The following RPL12 variants were observed in gnomAD, a reference collection of about 807,000 sequenced individuals.
The protein encoded by RPL12 is ribosomal protein L12.
A neutral mutation model predicts 24.5 loss-of-function variants in RPL12; 10 were observed. The ratio of observed to expected loss-of-function variants is 0.41; its 90% CI spans 0.25 to 0.69. RPL12 has a LOEUF of 0.69. Among genes scored for constraint, RPL12 ranks in the 30% least tolerant of loss-of-function variants. The pLI is 0.33. For synonymous variants in RPL12, 74 were observed against 76.1 expected (o/e 0.97, Z 0.14); for missense variants, 137 against 205.3 (o/e 0.67, Z 2.03).
At chr9:127,450,332 T>G in intron 2 of RPL12, 2 of 191,110 alleles carry the variant, frequency 1.0e-5, no homozygotes, top group South Asian at 1.0e-4. Flanking sequence ...ACTGCTAGGT[T>G]TACATCTACA....
At chr9:127,450,564 T>C in intron 2 of RPL12, 167 bp downstream of exon 2, 1 of 556,774 alleles carries the variant, frequency 1.8e-6, no homozygotes, top group South Asian at 2.6e-5. Flanking sequence ...GGTTCGATTT[T>C]TCACACACGA....
intron 2 of RPL12, 161 bp from the exon 3 acceptor site, chr9:127,449,869 T>TG (rs1834243737): frequency 3.2e-6 from 2 of 633,892 alleles, no homozygotes; most frequent in Non-Finnish European, 5.7e-6. Flanking sequence ...AATTGGGGGT[T>TG]GGGGTTCTTG....
intron 4 of RPL12, chr9:127,448,660 A>G (rs1452197167): frequency 1.4e-6 from 1 of 731,258 alleles, no homozygotes; most frequent in Non-Finnish European, 2.5e-6. Context: ...GCCTTCACAA[A>G]TCTGACATGG....
intron 2 of RPL12, chr9:127,450,498 G>A (rs1834271210): frequency 2.0e-6 from 1 of 493,832 alleles, no homozygotes; most frequent in Admixed American, 4.2e-5. Flanking sequence ...CCACCCCTCA[G>A]GTACACTAAA....
chr9:127,448,276 G>T, intron 5 of RPL12, 61 bp downstream of exon 5: 1 of 1,334,078 alleles, frequency 7.5e-7, no homozygotes, highest in Non-Finnish European at 1.1e-6. Context: ...TAAGAAGAAT[G>T]TTATCACTCA....
intron 4 of RPL12, 143 bp from the exon 5 acceptor site, chr9:127,448,566 G>T (rs898822162): frequency 1.3e-6 from 1 of 772,864 alleles, no homozygotes; most frequent in Non-Finnish European, 2.4e-6. Context: ...CTAAGCTGGG[G>T]TTTACTATCA....
intron 5 of RPL12, 25 bp from the exon 6 acceptor site, chr9:127,448,014 T>C: frequency 6.3e-7 from 1 of 1,586,608 alleles, no homozygotes; most frequent in Non-Finnish European, 8.6e-7. Flanking sequence ...ATGGTGGCAT[T>C]GGAGGTGCTG....
chr9:127,448,888 G>A (rs1273365812), intron 4 of RPL12, among the ~76,000 whole-genome samples: 1 of 151,616 alleles, frequency 6.6e-6, no homozygotes, highest in Non-Finnish European at 1.5e-5. Context: ...GAGTGCAGTG[G>A]CACAATCTTG....
chr9:127,450,532 T>C (rs906580684), intron 2 of RPL12, 199 bp downstream of exon 2: 3 of 541,728 alleles, frequency 5.5e-6, no homozygotes, highest in Non-Finnish European at 9.9e-6. Context: ...CACATGGAGC[T>C]AATTACAATT....
chr9:127,448,800 T>G (rs944592454), intron 4 of RPL12, among the ~76,000 whole-genome samples: 6 of 151,482 alleles, frequency 4.0e-5, no homozygotes, highest in African/African-American at 1.5e-4. Context: ...ATGCACTGAT[T>G]GGGGCCTGCC....
intron 1 of RPL12, 50 bp from the exon 2 acceptor site, chr9:127,450,854 A>G (rs1280504262): frequency 2.2e-6 from 3 of 1,347,864 alleles, no homozygotes; most frequent in Admixed American, 4.3e-5. Context: ...CCCGAGCCAC[A>G]GCCCTCTCAG....
In RPL12 at chr9:127,451,042, A is replaced by G. The variant is rs1834295289; in HGVS notation, c.38-238T>C. On this transcript the variant is annotated intron_variant, in intron 1 of 6. Coordinates refer to ENST00000361436, the MANE Select transcript of RPL12 (RefSeq NM_000976.4). Reference sequence around the variant, plus strand: ...CAATGGGGCGAAACGCCCGGAGACAAGCCTTACCCTAGGGCGTGCGGGCTC... The same window carrying G: ...CAATGGGGCGAAACGCCCGGAGACAGGCCTTACCCTAGGGCGTGCGGGCTC... 3 of 650,778 alleles carry G rather than the reference A, an allele frequency of 4.6e-6. No homozygotes were observed. The South Asian group carries it at 6.4e-5, about 14-fold the overall frequency. The allele number at this position is 650,778 out of a possible 1,614,324, so 40.3% of individuals were successfully genotyped here.
chr9:127,448,590 T>G, intron 4 of RPL12, 167 bp from the exon 5 acceptor site: 2 of 762,016 alleles, frequency 2.6e-6, no homozygotes, highest in Non-Finnish European at 4.8e-6. Context: ...CACCACTGGA[T>G]TGCACCAGCC....
chr9:127,451,374 A>G lies in RPL12; in HGVS notation c.-57T>C, dbSNP rs1385523111. ...ATTCGGGACGACCGAAGGAAGTTGC[A>G]CCTTGGCCTCCTCCGAGCCGAAAGC... On this transcript the variant is annotated 5_prime_UTR_variant, in exon 1 of 7. Coordinates refer to ENST00000361436, the MANE Select transcript of RPL12 (RefSeq NM_000976.4). 2 of 1,603,470 alleles carry G rather than the reference A, an allele frequency of 1.2e-6. No individual in the cohort carries two copies. Among genetic ancestry groups the G allele is most frequent in the South Asian group, 1.1e-5 (1 of 90,366 alleles).
rs777143742 is a variant in RPL12 at position 127,449,626 on chromosome 9, T to G, written c.194A>C (p.Gln65Pro). 1 of 1,614,154 alleles carries G rather than the reference T, an allele frequency of 6.2e-7. No individual in the cohort carries two copies. The highest frequency in any genetic ancestry group is 8.5e-7 in the Non-Finnish European group (1 of 1,179,974). ...GLRITVKLTI[Q>P]NRQAQIEVVP... ...AGCAAATACCTGGGCCTGTCTGTTC[T>G]GAATGGTCAGTTTCACTGTAATCCT... is the stretch of plus-strand genomic sequence containing the variant. The change falls in exon 3 of 7, where the codon CAG becomes CCG. Residue 65 changes from glutamine (Q) to proline (P), a missense_variant. Physicochemically the swap from Gln to Pro is moderately conservative, Grantham distance 76. This residue lies in a region of RPL12 where 118 missense variants were observed against 160.7 expected (regional missense o/e 0.73). Transcript: ENST00000361436.
At position 127,450,633 on chromosome 9, in the gene RPL12, A is replaced by G; in HGVS notation, c.111+98T>C. ...TCAGGCCTACTGAGGGTGACAGTCCAAGCCACGAGGGCACCTCTGGCACAG... is the reference window on the plus strand; with the variant it reads ...TCAGGCCTACTGAGGGTGACAGTCCGAGCCACGAGGGCACCTCTGGCACAG... On this transcript the variant is annotated intron_variant, in intron 2 of 6. Coordinates refer to ENST00000361436, the MANE Select transcript of RPL12 (RefSeq NM_000976.4). 4 of 891,026 alleles carry G rather than the reference A, an allele frequency of 4.5e-6. No homozygotes were observed. In the Admixed American group the frequency reaches 8.3e-5, roughly 19 times the overall value. 55.2% of individuals were successfully genotyped at this position (891,026 alleles called of 1,614,324 possible).
rs764200850 is a variant in RPL12 at position 127,448,397 on chromosome 9, CA to C, written c.318del (p.Phe106LeufsTer16). ...TGTCGAGCAATGTTGACAATCTCAT[CA>C]AAAGTGATATTCCCACTGTGTTTAA... ...KNIKHSGNIT[F>X]DEIVNIARQM... On this transcript the variant is annotated frameshift_variant, in exon 5 of 7. Coordinates refer to ENST00000361436, the MANE Select transcript of RPL12 (RefSeq NM_000976.4). LOFTEE classifies it high-confidence loss of function. 6.2e-7 allele frequency: 1 copy of C among 1,613,578 alleles called. No individual in the cohort carries two copies. The highest frequency in any genetic ancestry group is 8.5e-7 in the Non-Finnish European group (1 of 1,179,632).
chr9:127,448,107 C>T (rs1347684168), intron 5 of RPL12, 118 bp from the exon 6 acceptor site: 6 of 1,257,832 alleles, frequency 4.8e-6, no homozygotes, highest in African/African-American at 1.5e-5. Context: ...GTTCCTGCTC[C>T]CCTAATATAG....
At position 127,449,416 on chromosome 9, in the gene RPL12, A is replaced by C; in HGVS notation, c.211-54T>G. The stretch of plus-strand genomic sequence containing the variant: ...CCACCTCCAGTGAATACTGCCATGC[A>C]CGCTGGCTCTCAAAAATCATGGCCA... On this transcript the variant is annotated intron_variant, in intron 3 of 6. Transcript: ENST00000361436. The C allele has an allele frequency of 2.6e-6, 4 of 1,510,312 alleles. No homozygotes were observed. The Admixed American group carries it at 6.8e-5, about 26-fold the overall frequency. The allele number at this position is 1,510,312 out of a possible 1,614,324, so 93.6% of individuals were successfully genotyped here.
Sources: allele counts gnomAD v4.1 joint callset (sites outside exome capture counted in the v4.1 genomes callset), GRCh38; gene constraint gnomAD v4.1.1; regional missense constraint gnomAD v4.1.1; transcripts MANE v1.5; gene names NCBI Gene and HGNC (gene_info 2026-07-23, HGNC 2026-07-21).